The following KCNH1 variants were observed in gnomAD, a reference collection of about 807,000 sequenced individuals.
KCNH1 encodes voltage-gated delayed rectifier potassium channel KCNH1.
A neutral mutation model predicts 69.2 loss-of-function variants in KCNH1; 27 were observed. That is an observed-to-expected ratio of 0.39 (90% CI 0.29 to 0.54). The LOEUF (loss-of-function observed/expected upper bound fraction) is 0.54, where lower values mean the gene tolerates loss of function less well. KCNH1 is among the 20% of genes least tolerant of loss of function. The probability of loss-of-function intolerance (pLI) is 0.68; values close to 1 mark genes in which losing one functional copy is unlikely to be tolerated. For missense variants in KCNH1, 798 were observed against 1,261.6 expected, an observed-to-expected ratio of 0.63 and a Z score of 5.57; for synonymous variants, 456 against 487.7, an observed-to-expected ratio of 0.93 and a Z score of 0.86.
intron 10 of KCNH1, among the ~76,000 whole-genome samples, chr1:210,739,975 G>T (rs995230724): frequency 2.6e-5 from 4 of 151,942 alleles, no homozygotes; most frequent in Non-Finnish European, 4.4e-5. Flanking sequence ...ACCAGGGGGG[G>T]AAAAAAACAC....
At chr1:210,771,577 A>C (rs1365080644) in intron 10 of KCNH1, among the ~76,000 whole-genome samples, 5 of 152,256 alleles carry the variant, frequency 3.3e-5, no homozygotes, top group Non-Finnish European at 7.3e-5. Context: ...ACTTTACAAA[A>C]GGCACAGGAT....
chr1:210,784,736 A>G (rs890385809), intron 9 of KCNH1, among the ~76,000 whole-genome samples: 1 of 152,110 alleles, frequency 6.6e-6, no homozygotes, highest in African/African-American at 2.4e-5. Context: ...GGTACAAAGG[A>G]GTGCAATGGT....
chr1:211,069,772 T>C (rs1234918201), intron 5 of KCNH1, among the ~76,000 whole-genome samples: 2 of 152,124 alleles, frequency 1.3e-5, no homozygotes, highest in Admixed American at 6.5e-5. Context: ...AGTTATGCAG[T>C]TATGATTTAA....
In KCNH1 at chr1:210,683,357, TGA is replaced by T. The variant is rs773677407; in HGVS notation, c.2892_2893del (p.Gln965ValfsTer7). On this transcript the variant is annotated frameshift_variant, in exon 11 of 11. Coordinates refer to ENST00000271751, the MANE Select transcript of KCNH1 (RefSeq NM_172362.3). LOFTEE classifies it high-confidence loss of function. This position sits in a 1 kb window ranked among gnomAD's most constrained non-coding sequence, Gnocchi z 5.7. ...TATTTCAAACAACTCCTGAGGAGACTGAGAGGATCTTCTGGAAGTTAATATCC... is the reference window on the plus strand; with the variant it reads ...TATTTCAAACAACTCCTGAGGAGACTGAGGATCTTCTGGAAGTTAATATCC... 4.3e-6 allele frequency: 7 copies of T among 1,614,030 alleles called. No individual in the cohort carries two copies. The African/African-American group carries it at 6.7e-5, about 15-fold the overall frequency.
chr1:210,845,092 A>T (rs1313059438), intron 7 of KCNH1, among the ~76,000 whole-genome samples: 1 of 150,822 alleles, frequency 6.6e-6, no homozygotes, highest in African/African-American at 2.5e-5. Flanking sequence ...ATCAATAGCT[A>T]ACCAACCAAA....
chr1:211,126,864 C>T (rs1691786506), intron 1 of KCNH1, among the ~76,000 whole-genome samples: 1 of 151,946 alleles, frequency 6.6e-6, no homozygotes, highest in Non-Finnish European at 1.5e-5. Context: ...TTAAAGAAAC[C>T]TCAACTGCAT....
chr1:210,757,665 A>C (rs1163365212), intron 10 of KCNH1, among the ~76,000 whole-genome samples: 1 of 152,214 alleles, frequency 6.6e-6, no homozygotes, highest in Non-Finnish European at 1.5e-5. Flanking sequence ...CCTGTCACAG[A>C]CCATCACCAG....
intron 5 of KCNH1, among the ~76,000 whole-genome samples, chr1:211,082,315 G>A (rs1690872478): frequency 3.3e-5 from 5 of 152,106 alleles, no homozygotes; most frequent in Admixed American, 3.3e-4. Context: ...TAGCATTTAG[G>A]AAATAGGATA....
intron 7 of KCNH1, among the ~76,000 whole-genome samples, chr1:210,892,645 T>C (rs556915344): frequency 2.6e-4 from 39 of 152,064 alleles, no homozygotes; most frequent in African/African-American, 9.4e-4. Flanking sequence ...CCCAAAAAAA[T>C]ATGGACCCAA....
chr1:210,683,711 C>G lies in KCNH1; in HGVS notation c.2540G>C (p.Ser847Thr), dbSNP rs116585673. Reference sequence around the variant, plus strand: ...CTTGGACACCTTGTTCCAGTCCTCACTCTTCCCGCAAGCATCTTTGAAGCG... The same window carrying G: ...CTTGGACACCTTGTTCCAGTCCTCAGTCTTCCCGCAAGCATCTTTGAAGCG... Reference protein sequence around the residue: ...WARFKDACGKSEDWNKVSKAE... With the variant: ...WARFKDACGKTEDWNKVSKAE... The change falls in exon 11 of 11, where the codon AGT (serine) becomes ACT (threonine). Residue 847 changes from serine to threonine, a missense_variant. Physicochemically the swap from Ser to Thr is moderately conservative, Grantham distance 58. Coordinates refer to ENST00000271751, the MANE Select transcript of KCNH1 (RefSeq NM_172362.3). The surrounding 1 kb of genome is among the most constrained non-coding windows in gnomAD (Gnocchi z 5.7). The G allele has an allele frequency of 1.3e-5, 21 of 1,614,252 alleles. No homozygotes were observed. In the South Asian group the frequency reaches 2.0e-4, roughly 15 times the overall value.
intron 7 of KCNH1, among the ~76,000 whole-genome samples, chr1:210,886,312 T>C (rs974774058): frequency 2.6e-5 from 4 of 151,966 alleles, no homozygotes; most frequent in Non-Finnish European, 2.9e-5. Context: ...GCCTGATTGA[T>C]AGAAGGAAAA....
intron 7 of KCNH1, among the ~76,000 whole-genome samples, chr1:210,806,452 C>G (rs1182429600): frequency 6.6e-6 from 1 of 151,806 alleles, no homozygotes; most frequent in Admixed American, 6.6e-5. Flanking sequence ...ATACAAGTCC[C>G]TTCTCAGATA....
rs564634656 is a variant in KCNH1, at chr1:210,967,974, G to A, written c.1033-47905C>T. Among the ~76,000 whole-genome samples, 47 of 151,724 alleles carry A rather than the reference G, an allele frequency of 3.1e-4. No homozygotes were observed. In the East Asian group the frequency reaches 8.4e-3, roughly 27 times the overall value. On this transcript the variant is annotated intron_variant, in intron 6 of 10. Coordinates refer to ENST00000271751, the MANE Select transcript of KCNH1 (RefSeq NM_172362.3). ...GCTGGTGCACTGCACCCACTAACTC[G>A]TCATCTAGCATTAGATATATCTCCC...
chr1:210,717,875 G>A (rs1313406674), intron 10 of KCNH1, among the ~76,000 whole-genome samples: 2 of 152,190 alleles, frequency 1.3e-5, no homozygotes, highest in Non-Finnish European at 2.9e-5. Flanking sequence ...GGAGGTCGAG[G>A]TGGGAAGATC....
At chr1:210,966,669 C>A (rs1274209230) in intron 6 of KCNH1, among the ~76,000 whole-genome samples, 1 of 152,166 alleles carries the variant, frequency 6.6e-6, no homozygotes, top group Non-Finnish European at 1.5e-5. Context: ...CCACGAGATA[C>A]CATCTCACGC....
rs75987564 is a variant in KCNH1, at chr1:210,867,511, T to C, written c.1462+52129A>G. On this transcript the variant is annotated intron_variant, in intron 7 of 10. Transcript: ENST00000271751. ...CTGTGAAAAGCAATTAGATGGTGTT[T>C]TCTGAAAAAAAATTTTATTGAGGTA... is the stretch of plus-strand genomic sequence containing the variant. Among the ~76,000 whole-genome samples, 16 of 152,070 alleles carry C rather than the reference T, an allele frequency of 1.1e-4. No homozygotes were observed. The East Asian group carries it at 3.1e-3, about 29-fold the overall frequency.
In KCNH1 at chr1:210,985,560, T is replaced by C. The variant is rs534748020; in HGVS notation, c.1032+33223A>G. On this transcript the variant is annotated intron_variant, in intron 6 of 10. Coordinates refer to ENST00000271751, the MANE Select transcript of KCNH1 (RefSeq NM_172362.3). ...TATGTACCCAGTAGTCATTCAGGAG[T>C]AGGTTGTTCAGTTTCTATGTAGTTG... Among the ~76,000 whole-genome samples the C allele has an allele frequency of 7.6e-4, 116 of 152,118 alleles. 1 individual carries two copies. Among genetic ancestry groups the C allele is most frequent in the African/African-American group, 2.5e-3 (105 of 41,528 alleles).
chr1:210,798,904 C>G (rs1335608468), intron 8 of KCNH1, among the ~76,000 whole-genome samples: 2 of 152,122 alleles, frequency 1.3e-5, no homozygotes, highest in Non-Finnish European at 2.9e-5. Flanking sequence ...TTGCTAAACA[C>G]TTTAGAATCA....
chr1:210,914,948 G>A (rs1288145308), intron 7 of KCNH1, among the ~76,000 whole-genome samples: 1 of 152,076 alleles, frequency 6.6e-6, no homozygotes, highest in Non-Finnish European at 1.5e-5. Context: ...GGAAATAGAT[G>A]TGGCTGACTT....
Sources: allele counts gnomAD v4.1 joint callset (sites outside exome capture counted in the v4.1 genomes callset), GRCh38; gene constraint gnomAD v4.1.1; non-coding constraint Gnocchi (gnomAD v3.1); transcripts MANE v1.5; gene names NCBI Gene and HGNC (gene_info 2026-07-23, HGNC 2026-07-21).